The following FMN2 variants were observed in gnomAD, a reference collection of about 807,000 sequenced individuals.
FMN2 encodes the protein formin 2, also known as formin-2.
A neutral mutation model predicts 142.3 loss-of-function variants in FMN2; 51 were observed. That is an observed-to-expected ratio of 0.36 (90% CI 0.29 to 0.45). FMN2 has a LOEUF of 0.45. Among genes scored for constraint, FMN2 ranks in the 20% least tolerant of loss-of-function variants. The probability of loss-of-function intolerance (pLI) is 1.00; values close to 1 mark genes in which losing one functional copy is unlikely to be tolerated. For synonymous variants in FMN2, 882 were observed against 869.8 expected (o/e 1.01, Z -0.25); for missense variants, 1,936 against 2,122.8 (o/e 0.91, Z 1.73).
intron 14 of FMN2, among the ~76,000 whole-genome samples, chr1:240,358,755 T>C (rs1343178665): frequency 2.0e-5 from 3 of 152,056 alleles, no homozygotes; most frequent in African/African-American, 7.2e-5. Flanking sequence ...CCACCTCGTC[T>C]CTCCCATGAC....
intron 2 of FMN2, chr1:240,143,373 T>G: frequency 1.4e-6 from 2 of 1,442,966 alleles, no homozygotes; most frequent in Non-Finnish European, 1.9e-6. Context: ...AGGTTCATAG[T>G]GCCGTCTCTG....
rs565213976 is a variant in FMN2, at chr1:240,340,454, G to A, written c.4765+6225G>A. Among the ~76,000 whole-genome samples the A allele has an allele frequency of 3.4e-4, 52 of 152,046 alleles. No homozygotes were observed. The South Asian group carries it at 3.9e-3, about 12-fold the overall frequency. ...AAATGAACCGGGCATGGTGGTGGGC[G>A]CCTGTAATCCCAGCTACTCGGGAGG... On this transcript the variant is annotated intron_variant, in intron 13 of 17. Coordinates refer to ENST00000319653, the MANE Select transcript of FMN2 (RefSeq NM_020066.5).
chr1:240,143,675 C>T (rs1663293702), intron 2 of FMN2: 14 of 1,609,210 alleles, frequency 8.7e-6, no homozygotes, highest in Non-Finnish European at 1.2e-5. Context: ...ATGGCCTCAC[C>T]CTTCCCCAGG....
At chr1:240,167,161 G>A (rs1399423406) in intron 2 of FMN2, among the ~76,000 whole-genome samples, 1 of 152,052 alleles carries the variant, frequency 6.6e-6, no homozygotes, top group African/African-American at 2.4e-5. Context: ...AACCAAAAGG[G>A]ATAGGTTTTT....
Position 240,475,173 on chromosome 1 carries a change from A to C in FMN2, c.*1019A>C, listed in dbSNP as rs1676937407. ...AAATAAAATGAATAATAAAAGAATA[A>C]AGATACTTGCAAAAGACAGCTGTCA... On this transcript the variant is annotated 3_prime_UTR_variant, in exon 18 of 18. Transcript: ENST00000319653. 2 of 152,560 alleles carry C rather than the reference A, an allele frequency of 1.3e-5. No homozygotes were observed. The highest frequency in any genetic ancestry group is 1.3e-4 in the Admixed American group (2 of 15,268). The allele number at this position is 152,560 out of a possible 1,614,324, so 9.5% of individuals were successfully genotyped here.
intron 14 of FMN2, among the ~76,000 whole-genome samples, chr1:240,360,985 G>C (rs865793306): frequency 5.3e-5 from 8 of 151,534 alleles, no homozygotes; most frequent in Non-Finnish European, 7.4e-5. Context: ...GTCGGGAGAG[G>C]GGGGAGGGAT....
At chr1:240,443,801 G>C (rs1675710335) in intron 16 of FMN2, among the ~76,000 whole-genome samples, 1 of 152,018 alleles carries the variant, frequency 6.6e-6, no homozygotes, top group Admixed American at 6.6e-5. Context: ...CAGAAGATGG[G>C]AAGGGAGACT....
At chr1:240,218,728 C>T (rs1355885331) in intron 6 of FMN2, among the ~76,000 whole-genome samples, 1 of 152,086 alleles carries the variant, frequency 6.6e-6, no homozygotes, top group Non-Finnish European at 1.5e-5. Flanking sequence ...GATCCGATGA[C>T]AGCACAGTTG....
chr1:240,397,096 C>T (rs9730250), intron 15 of FMN2, among the ~76,000 whole-genome samples: 82,812 of 152,054 alleles, frequency 0.54, 23,998 homozygotes, highest in African/African-American at 0.75. Flanking sequence ...CATTCCCTTT[C>T]CTGCACAGCC....
At position 240,285,342 on chromosome 1, in the gene FMN2, C is replaced by T. The variant is rs2102944742; in HGVS notation, c.4154-9480C>T. 20 of 454,166 alleles carry T rather than the reference C, an allele frequency of 4.4e-5. 1 individual carries two copies. Among genetic ancestry groups the T allele is most frequent in the South Asian group, 3.1e-4 (20 of 64,390 alleles). The allele number at this position is 454,166 out of a possible 1,614,324, so 28.1% of individuals were successfully genotyped here. A position where few individuals can be genotyped will look rare whatever the true frequency, so the allele number is the denominator to read the frequency against. ...CAGATGGAGGCTCCGTCATGTAAGA[C>T]AGAAGAACATGTATAGAGTGTGCTG... On this transcript the variant is annotated intron_variant, in intron 7 of 17. Coordinates refer to ENST00000319653, the MANE Select transcript of FMN2 (RefSeq NM_020066.5).
intron 13 of FMN2, among the ~76,000 whole-genome samples, chr1:240,336,686 T>C (rs1330454084): frequency 6.6e-6 from 1 of 151,274 alleles, no homozygotes; most frequent in Non-Finnish European, 1.5e-5. Flanking sequence ...GCAAGGCTGG[T>C]GTACTGTGTT....
intron 16 of FMN2, among the ~76,000 whole-genome samples, chr1:240,471,366 T>TA (rs1676802496): frequency 3.2e-5 from 2 of 61,864 alleles, no homozygotes; most frequent in South Asian, 1.3e-3. Flanking sequence ...GTAAATTTTC[T>TA]TTTTTTTTTT....
chr1:240,434,625 T>G (rs867625409), intron 15 of FMN2, among the ~76,000 whole-genome samples: 1 of 151,602 alleles, frequency 6.6e-6, no homozygotes, highest in Non-Finnish European at 1.5e-5. Context: ...GCAGTGACGC[T>G]ATCTCAGCTC....
At chr1:240,467,510 CCCT>C (rs1213984804) in intron 16 of FMN2, among the ~76,000 whole-genome samples, 2 of 152,142 alleles carry the variant, frequency 1.3e-5, no homozygotes, top group Non-Finnish European at 2.9e-5. Flanking sequence ...TTGTGATCCA[CCCT>C]CCTCAGCCTC....
chr1:240,255,905 A>G lies in FMN2; in HGVS notation c.4066-2040A>G, dbSNP rs144384938. Among the ~76,000 whole-genome samples the G allele has an allele frequency of 3.9e-5, 6 of 152,314 alleles. No homozygotes were observed. The East Asian group carries it at 9.6e-4, about 24-fold the overall frequency. ...GAATAGGTTATAATGCGACGAAAAT[A>G]AGATATAGAGAACAGAACTCTAGGA... On this transcript the variant is annotated intron_variant, in intron 6 of 17. Coordinates refer to ENST00000319653, the MANE Select transcript of FMN2 (RefSeq NM_020066.5).
chr1:240,187,398 C>T (rs1298299560), intron 3 of FMN2, among the ~76,000 whole-genome samples: 2 of 151,944 alleles, frequency 1.3e-5, no homozygotes, highest in African/African-American at 4.8e-5. Flanking sequence ...GATATAAACT[C>T]TCGTCTTCAC....
chr1:240,194,389 T>C (rs1665834800), intron 4 of FMN2, among the ~76,000 whole-genome samples: 1 of 152,198 alleles, frequency 6.6e-6, no homozygotes, highest in South Asian at 2.1e-4. Flanking sequence ...AGGACAGATT[T>C]TATATCAGTG....
chr1:240,248,432 G>GATATATATATATATATAT (rs36215850), intron 6 of FMN2, among the ~76,000 whole-genome samples: 1 of 142,442 alleles, frequency 7.0e-6, no homozygotes, highest in African/African-American at 2.5e-5. Context: ...CATGTGATTG[G>GATATATATATATATATAT]ATATATATAT....
chr1:240,160,090 G>A (rs1346425121), intron 2 of FMN2, among the ~76,000 whole-genome samples: 1 of 149,428 alleles, frequency 6.7e-6, no homozygotes, highest in African/African-American at 2.5e-5. Flanking sequence ...CAAAACCTCT[G>A]GACTCAGGTA....
Sources: gnomAD v4.1 joint callset for allele counts (sites outside exome capture counted in the v4.1 genomes callset) on GRCh38, gnomAD v4.1.1 for gene constraint, MANE v1.5 for transcripts, NCBI Gene and HGNC (gene_info 2026-07-23, HGNC 2026-07-21) for gene names.